Variants in NTRK2 observed in about 807,000 individuals in gnomAD.
NTRK2 encodes the protein BDNF/NT-3 growth factors receptor.
In NTRK2, 13 loss-of-function variants were observed where a neutral mutation model predicts 94.5. That is an observed-to-expected ratio of 0.14 (90% CI 0.09 to 0.22). NTRK2 has a LOEUF of 0.22. Ranked by LOEUF, NTRK2 falls within the 10% of genes least tolerant of loss-of-function variation. The probability of loss-of-function intolerance (pLI) is 1.00; values close to 1 mark genes in which losing one functional copy is unlikely to be tolerated. For synonymous variants in NTRK2, 372 were observed against 407.4 expected, an observed-to-expected ratio of 0.91 and a Z score of 1.05; for missense variants, 639 against 1,071.2, an observed-to-expected ratio of 0.60 and a Z score of 5.63.
At chr9:84,799,930 TTTATAA>T (rs1168872489) in intron 12 of NTRK2, among the ~76,000 whole-genome samples, 1 of 152,180 alleles carries the variant, frequency 6.6e-6, no homozygotes, top group Non-Finnish European at 1.5e-5. Context: ...GTTAATTAAG[TTTATAA>T]TTATATAGTA....
intron 12 of NTRK2, among the ~76,000 whole-genome samples, chr9:84,845,250 TACACACACAC>T (rs58910921): frequency 1.1e-4 from 16 of 148,010 alleles, no homozygotes; most frequent in Admixed American, 5.4e-4. Context: ...ATGTGGTGTA[TACACACACAC>T]ACACACACAC....
intron 14 of NTRK2, among the ~76,000 whole-genome samples, chr9:84,905,973 T>C (rs1405110908): frequency 1.3e-5 from 2 of 152,056 alleles, no homozygotes; most frequent in Admixed American, 6.6e-5. Flanking sequence ...AGAACATGAG[T>C]GGAAGCTCAG....
At chr9:84,926,169 C>CCTTCCTTGCTTTCTTTCTTTCTTT (rs2077790007) in intron 14 of NTRK2, among the ~76,000 whole-genome samples, 1 of 38,514 alleles carries the variant, frequency 2.6e-5, no homozygotes, top group African/African-American at 9.2e-5. Context: ...TTCCTTCCTT[C>CCTTCCTTGCTTTCTTTCTTTCTTT]CTTTCTTTCT....
intron 12 of NTRK2, among the ~76,000 whole-genome samples, chr9:84,841,532 G>A (rs1271389981): frequency 2.6e-5 from 4 of 152,158 alleles, no homozygotes; most frequent in Admixed American, 2.0e-4. Context: ...CCTGGGCACC[G>A]TACTCTCTCC....
At chr9:84,848,562 C>T (rs2074588084) in intron 12 of NTRK2, among the ~76,000 whole-genome samples, 1 of 152,122 alleles carries the variant, frequency 6.6e-6, no homozygotes, top group Admixed American at 6.6e-5. Flanking sequence ...AATCATCAGG[C>T]AAGAGACCTT....
intron 17 of NTRK2, among the ~76,000 whole-genome samples, chr9:85,019,579 A>G (rs116400869): frequency 6.6e-6 from 1 of 152,252 alleles, no homozygotes. Flanking sequence ...TGTGGTAAAT[A>G]ATCTAAGGAG....
At chr9:84,986,817 C>G (rs930525526) in intron 17 of NTRK2, among the ~76,000 whole-genome samples, 1 of 152,200 alleles carries the variant, frequency 6.6e-6, no homozygotes, top group African/African-American at 2.4e-5. Context: ...GGGAACCCAC[C>G]ATTACATTCA....
At chr9:84,747,343 A>G (rs1054622579) in intron 11 of NTRK2, among the ~76,000 whole-genome samples, 3 of 152,076 alleles carry the variant, frequency 2.0e-5, no homozygotes, top group Admixed American at 1.3e-4. Context: ...CAATCATTTT[A>G]GTTTTTAATT....
intron 4 of NTRK2, among the ~76,000 whole-genome samples, chr9:84,702,697 T>C (rs547878624): frequency 1.3e-5 from 2 of 152,356 alleles, no homozygotes; most frequent in African/African-American, 4.8e-5. Flanking sequence ...ATGTGAAAAC[T>C]GTGTCCTTGC....
intron 15 of NTRK2, among the ~76,000 whole-genome samples, chr9:84,944,213 TCTCACACACACA>T (rs1391029432): frequency 8.0e-5 from 11 of 136,824 alleles, no homozygotes; most frequent in Non-Finnish European, 1.5e-4. Context: ...TCTCTCTCTC[TCTCACACACACA>T]CACACACACA....
chr9:84,864,643 G>C (rs1287983335), intron 13 of NTRK2, among the ~76,000 whole-genome samples: 1 of 151,912 alleles, frequency 6.6e-6, no homozygotes, highest in African/African-American at 2.4e-5. Flanking sequence ...TTGCAGGAGG[G>C]AACAGCCATG....
chr9:84,719,211 C>T (rs1016855652), intron 6 of NTRK2, among the ~76,000 whole-genome samples: 4 of 151,988 alleles, frequency 2.6e-5, no homozygotes, highest in African/African-American at 7.2e-5. Context: ...TATATGTACT[C>T]GGACAATGTT....
chr9:84,900,888 T>C (rs1452454110), intron 14 of NTRK2, among the ~76,000 whole-genome samples: 2 of 152,230 alleles, frequency 1.3e-5, no homozygotes, highest in Non-Finnish European at 2.9e-5. Flanking sequence ...GAAACTTTTT[T>C]TTCTTTGCAA....
At chr9:84,969,276 C>G (rs569919161) in intron 17 of NTRK2, among the ~76,000 whole-genome samples, 16 of 152,238 alleles carry the variant, frequency 1.1e-4, no homozygotes, top group African/African-American at 3.1e-4. Flanking sequence ...TGGTCCAGAA[C>G]GATCACTCGC....
intron 6 of NTRK2, among the ~76,000 whole-genome samples, chr9:84,713,449 T>A (rs2061531932): frequency 1.3e-5 from 2 of 152,208 alleles, no homozygotes; most frequent in Admixed American, 6.5e-5. Context: ...TTTGTTATCA[T>A]CTGGGATTTT....
intron 12 of NTRK2, chr9:84,812,819 G>A: frequency 9.6e-7 from 1 of 1,039,180 alleles, no homozygotes; most frequent in Non-Finnish European, 1.2e-6. Flanking sequence ...TTGCAAGGTA[G>A]ATTTTTGTTT....
At chr9:84,979,520 T>C (rs192040089) in intron 17 of NTRK2, among the ~76,000 whole-genome samples, 1 of 152,250 alleles carries the variant, frequency 6.6e-6, no homozygotes, top group East Asian at 1.9e-4. Context: ...AGTGGTTTTT[T>C]GAGCTGGAAT....
intron 12 of NTRK2, among the ~76,000 whole-genome samples, chr9:84,758,195 A>G (rs150970677): frequency 1.9e-4 from 25 of 134,492 alleles, no homozygotes; most frequent in African/African-American, 6.3e-4. Flanking sequence ...TGACTTTTTG[A>G]TAGTGTCTTT....
chr9:84,874,865 G>A (rs2076007028), intron 14 of NTRK2: 1 of 1,058,210 alleles, frequency 9.4e-7, no homozygotes. Context: ...GTCCTAAACA[G>A]ACTGGAATGA....
Sources: gnomAD v4.1 joint callset for allele counts (sites outside exome capture counted in the v4.1 genomes callset) on GRCh38, gnomAD v4.1.1 for gene constraint, MANE v1.5 for transcripts, NCBI Gene and HGNC (gene_info 2026-07-23, HGNC 2026-07-21) for gene names.